Variants in CFAP77 observed in about 807,000 individuals in gnomAD.
CFAP77 encodes cilia- and flagella-associated protein 77.
CFAP77 carries 25 observed loss-of-function variants against 31.1 expected under a neutral mutation model. The observed-to-expected ratio is 0.80, with a 90% CI of 0.59 to 1.12. The LOEUF (loss-of-function observed/expected upper bound fraction) is 1.12, where lower values mean the gene tolerates loss of function less well. CFAP77 is among the 50% of genes most tolerant of loss of function. The pLI, the probability that CFAP77 is intolerant of heterozygous loss-of-function variation, is 0.00. For synonymous variants in CFAP77, 151 were observed against 159.9 expected (o/e 0.94, Z 0.42); for missense variants, 377 against 397.3 (o/e 0.95, Z 0.44).
chr9:132,462,582 G>A (rs1851070761), intron 1 of CFAP77, among the ~76,000 whole-genome samples: 1 of 152,142 alleles, frequency 6.6e-6, no homozygotes, highest in African/African-American at 2.4e-5. Context: ...GGGAGGCCGA[G>A]GTGGGTGGAT....
At chr9:132,533,474 C>T (rs771824266) in intron 3 of CFAP77, among the ~76,000 whole-genome samples, 2 of 152,124 alleles carry the variant, frequency 1.3e-5, no homozygotes, top group South Asian at 4.1e-4. Context: ...TAGCCGAGGA[C>T]GCTTCCTGCC....
At chr9:132,561,303 T>C (rs1829797520) in intron 5 of CFAP77, among the ~76,000 whole-genome samples, 1 of 151,998 alleles carries the variant, frequency 6.6e-6, no homozygotes, top group South Asian at 2.1e-4. Flanking sequence ...CTAAAATCTC[T>C]ATGCCTGTCA....
intron 3 of CFAP77, among the ~76,000 whole-genome samples, chr9:132,526,112 T>C (rs1852355530): frequency 6.6e-6 from 1 of 152,176 alleles, no homozygotes; most frequent in African/African-American, 2.4e-5. Flanking sequence ...GTAAAGCTGC[T>C]ATGAACATTT....
At chr9:132,489,587 C>T (rs187974865) in intron 1 of CFAP77, among the ~76,000 whole-genome samples, 50 of 152,322 alleles carry the variant, frequency 3.3e-4, no homozygotes, top group Non-Finnish European at 6.5e-4. Context: ...GTGCCCTGCA[C>T]GGAGGAGGTG....
At chr9:132,540,329 G>C (rs2119061109) in intron 4 of CFAP77, among the ~76,000 whole-genome samples, 1 of 152,286 alleles carries the variant, frequency 6.6e-6, no homozygotes, top group African/African-American at 2.4e-5. Flanking sequence ...TCCTTTTCAA[G>C]CAGAGCCCCC....
chr9:132,441,770 A>C (rs557917817), intron 1 of CFAP77, among the ~76,000 whole-genome samples: 21 of 152,142 alleles, frequency 1.4e-4, no homozygotes, highest in Non-Finnish European at 2.8e-4. Context: ...GATCTTCTTC[A>C]ATGGCAAGGC....
rs1851425073 is a variant in CFAP77 at position 132,480,402 on chromosome 9, C to T, written c.196-18293C>T. On this transcript the variant is annotated intron_variant, in intron 1 of 5. Transcript: ENST00000393216. This position sits in a 1 kb window ranked among gnomAD's most constrained non-coding sequence, Gnocchi z 5.8. ...AGACCCTGTTCTGGAAGACCTGCCC[C>T]AGATGGCCCAGGCCTGGGAGGAGTA... 6.6e-6 allele frequency among the ~76,000 whole-genome samples: 1 copy of T among 152,226 alleles called. No individual in the cohort carries two copies. Among genetic ancestry groups the T allele is most frequent in the African/African-American group, 2.4e-5 (1 of 41,452 alleles).
At chr9:132,538,915 G>A (rs559114781) in intron 4 of CFAP77, among the ~76,000 whole-genome samples, 2 of 151,868 alleles carry the variant, frequency 1.3e-5, no homozygotes, top group East Asian at 1.9e-4. Context: ...GTGAAACCCC[G>A]TCTCTACTAA....
intron 1 of CFAP77, among the ~76,000 whole-genome samples, chr9:132,478,443 G>A (rs73556719): frequency 0.043 from 6,531 of 152,212 alleles, 390 homozygotes; most frequent in African/African-American, 0.13. Flanking sequence ...CCAGACTTCA[G>A]AGGCTGTACT....
intron 1 of CFAP77, among the ~76,000 whole-genome samples, chr9:132,471,476 A>G (rs1049455277): frequency 6.6e-6 from 1 of 150,838 alleles, no homozygotes; most frequent in Non-Finnish European, 1.5e-5. Flanking sequence ...CACACACATC[A>G]AGTGAATGGC....
intron 1 of CFAP77, among the ~76,000 whole-genome samples, chr9:132,459,744 GTGTGTGTGTA>G (rs373509711): frequency 0.033 from 4,669 of 140,446 alleles, 237 homozygotes; most frequent in African/African-American, 0.14. Flanking sequence ...ATGTGTGTGA[GTGTGTGTGTA>G]TGTGTGTGTA....
rs922805503 is a variant in CFAP77, at chr9:132,490,213, C to G, written c.196-8482C>G. On this transcript the variant is annotated intron_variant, in intron 1 of 5. Coordinates refer to ENST00000393216, the MANE Select transcript of CFAP77 (RefSeq NM_001282957.2). The surrounding 1 kb of genome is among the most constrained non-coding windows in gnomAD (Gnocchi z 4.6). Reference sequence around the variant, plus strand: ...CCCCATGAGTGCAGAGCCCTCATGACTCAACCACCCCCTAAAGGCCACACC... The same window carrying G: ...CCCCATGAGTGCAGAGCCCTCATGAGTCAACCACCCCCTAAAGGCCACACC... Among the ~76,000 whole-genome samples, 4 of 152,152 alleles carry G rather than the reference C, an allele frequency of 2.6e-5. No individual in the cohort carries two copies. Among genetic ancestry groups the G allele is most frequent in the African/African-American group, 4.8e-5 (2 of 41,426 alleles).
At chr9:132,571,420 C>T (rs1255745967) in intron 5 of CFAP77, among the ~76,000 whole-genome samples, 1 of 152,182 alleles carries the variant, frequency 6.6e-6, no homozygotes, top group Non-Finnish European at 1.5e-5. Context: ...CTGCGCACTC[C>T]CCAGCCTTCT....
chr9:132,486,086 ATATATTT>A lies in CFAP77; in HGVS notation c.196-12607_196-12601del, dbSNP rs1564223261. Among the ~76,000 whole-genome samples the A allele has an allele frequency of 4.5e-4, 8 of 17,612 alleles. 3 individuals are homozygous for A. The highest frequency in any genetic ancestry group is 3.7e-3 in the African/African-American group (8 of 2,174). 11.6% of individuals were successfully genotyped at this position (17,612 alleles called of 152,430 possible). A position where few individuals can be genotyped will look rare whatever the true frequency, so the allele number is the denominator to read the frequency against. On this transcript the variant is annotated intron_variant, in intron 1 of 5. Transcript: ENST00000393216. ...TGTGTGTATATATATATATATATAT[ATATATTT>A]TTTTTTTTTTTTTTTTTGAGACGGA... is the stretch of plus-strand genomic sequence containing the variant.
chr9:132,492,715 CATGTGG>C, intron 1 of CFAP77, among the ~76,000 whole-genome samples: 1 of 152,166 alleles, frequency 6.6e-6, no homozygotes, highest in Non-Finnish European at 1.5e-5. Context: ...GGGAGCCGGG[CATGTGG>C]ATGTCAGGAT....
chr9:132,496,606 T>C (rs1851747276), intron 1 of CFAP77, among the ~76,000 whole-genome samples: 1 of 152,224 alleles, frequency 6.6e-6, no homozygotes, highest in South Asian at 2.1e-4. Flanking sequence ...GGCAGCCCTC[T>C]GTGTCTGGCT....
At chr9:132,431,588 A>T (rs1850412588) in intron 1 of CFAP77, among the ~76,000 whole-genome samples, 1 of 152,350 alleles carries the variant, frequency 6.6e-6, no homozygotes, top group South Asian at 2.1e-4. Context: ...TGAGGTAAAA[A>T]TTCACTTAAT....
At chr9:132,482,701 G>A (rs1851469534) in intron 1 of CFAP77, among the ~76,000 whole-genome samples, 1 of 150,762 alleles carries the variant, frequency 6.6e-6, no homozygotes, top group African/African-American at 2.4e-5. Flanking sequence ...TCGAGTGGGC[G>A]CTGGCAAGGG....
chr9:132,525,586 C>A lies in CFAP77; in HGVS notation c.525-12015C>A, dbSNP rs183313374. Among the ~76,000 whole-genome samples, 12 of 152,208 alleles carry A rather than the reference C, an allele frequency of 7.9e-5. No homozygotes were observed. The East Asian group carries it at 2.3e-3, about 29-fold the overall frequency. On this transcript the variant is annotated intron_variant, in intron 3 of 5. Coordinates refer to ENST00000393216, the MANE Select transcript of CFAP77 (RefSeq NM_001282957.2). ...ACTATGCACAGATTCCATTCAGCTG[C>A]CAATTTTATATGCCCTCATCTGCAT...
Sources: gnomAD v4.1 joint callset for allele counts (sites outside exome capture counted in the v4.1 genomes callset) on GRCh38, gnomAD v4.1.1 for gene constraint, Gnocchi (gnomAD v3.1) non-coding constraint, MANE v1.5 for transcripts, NCBI Gene and HGNC (gene_info 2026-07-23, HGNC 2026-07-21) for gene names.